The following HYDIN variants were observed in gnomAD, a reference collection of about 807,000 sequenced individuals.
HYDIN encodes the protein HYDIN axonemal central pair apparatus protein.
In HYDIN, 132 loss-of-function variants were observed where a neutral mutation model predicts 403.9. The observed-to-expected ratio is 0.33, with a 90% CI of 0.28 to 0.38. The LOEUF is 0.38. Ranked by LOEUF, HYDIN falls within the 10% of genes least tolerant of loss-of-function variation. The pLI, the probability that HYDIN is intolerant of heterozygous loss-of-function variation, is 1.00. For synonymous variants in HYDIN, 1,202 were observed against 1,891.7 expected (o/e 0.64, Z 9.46); for missense variants, 2,827 against 5,009.5 (o/e 0.56, Z 13.15).
At chr16:71,043,928 A>AG (rs144638805) in intron 18 of HYDIN, among the ~76,000 whole-genome samples, 24 of 151,770 alleles carry the variant, frequency 1.6e-4, no homozygotes, top group Non-Finnish European at 3.2e-4. Flanking sequence ...ATCTAAAAAA[A>AG]AAAGAAAGAA....
At chr16:71,116,290 T>C (rs2084028697) in intron 9 of HYDIN, among the ~76,000 whole-genome samples, 1 of 151,810 alleles carries the variant, frequency 6.6e-6, no homozygotes, top group South Asian at 2.1e-4. Flanking sequence ...CATGTGGTAT[T>C]TGTCTTTCTG....
At chr16:71,189,688 A>G (rs1389580765) in intron 1 of HYDIN, among the ~76,000 whole-genome samples, 1 of 150,832 alleles carries the variant, frequency 6.6e-6, no homozygotes, top group East Asian at 2.0e-4. Flanking sequence ...AATCACTTGA[A>G]CCTGAGGAGT....
chr16:71,194,818 C>T (rs1019508452), intron 1 of HYDIN, among the ~76,000 whole-genome samples: 4 of 152,188 alleles, frequency 2.6e-5, no homozygotes, highest in Non-Finnish European at 4.4e-5. Context: ...AATCCACTTC[C>T]AAGATGGCTT....
chr16:71,188,131 T>C (rs960211805), intron 1 of HYDIN, among the ~76,000 whole-genome samples: 8 of 152,320 alleles, frequency 5.3e-5, no homozygotes, highest in Admixed American at 3.9e-4. Flanking sequence ...TTATTTATTT[T>C]TTTTAAATAC....
chr16:70,911,756 C>T (rs890360937), intron 47 of HYDIN, among the ~76,000 whole-genome samples: 1 of 151,684 alleles, frequency 6.6e-6, no homozygotes, highest in Non-Finnish European at 1.5e-5. Context: ...GAGATGTTTC[C>T]ATTTGTTTGT....
intron 45 of HYDIN, among the ~76,000 whole-genome samples, chr16:70,931,340 C>G (rs1404325511): frequency 6.7e-6 from 1 of 148,598 alleles, no homozygotes; most frequent in African/African-American, 2.5e-5. Flanking sequence ...GTGCACACCA[C>G]CACAGATGGC....
At chr16:71,110,491 T>C (rs942762046) in intron 10 of HYDIN, among the ~76,000 whole-genome samples, 2 of 142,576 alleles carry the variant, frequency 1.4e-5, no homozygotes, top group Admixed American at 7.2e-5. Flanking sequence ...ATATAATATA[T>C]ATATTTCATA....
rs560628750 is a variant in HYDIN at position 70,942,533 on chromosome 16, C to A, written c.6670-714G>T. Among the ~76,000 whole-genome samples the A allele has an allele frequency of 5.9e-5, 9 of 152,296 alleles. No individual in the cohort carries two copies. In the South Asian group the frequency reaches 1.9e-3, roughly 32 times the overall value. ...TCTTATTAGTCTTACTGCCTTGGAG[C>A]GTAATGATTTTGGTAACAGTAACCA... On this transcript the variant is annotated intron_variant, in intron 42 of 85. Coordinates refer to ENST00000393567, the MANE Select transcript of HYDIN (RefSeq NM_001270974.2).
chr16:70,992,082 T>C lies in HYDIN; in HGVS notation c.3773A>G (p.Asn1258Ser), dbSNP rs776125168. The stretch of plus-strand genomic sequence containing the variant: ...GCTTTGCACTTACTTAACAAAATCA[T>C]TTAAATCCATCTCGGGGGACTCTAC... ...VTVESPEMDL[N>S]DFVKTVLVDE... The change falls in exon 24 of 86, where the codon AAT becomes AGT. Residue 1258 changes from asparagine to serine, a missense_variant. Coordinates refer to ENST00000393567, the MANE Select transcript of HYDIN (RefSeq NM_001270974.2). 7 of 1,613,738 alleles carry C rather than the reference T, an allele frequency of 4.3e-6. No individual in the cohort carries two copies. The highest frequency in any genetic ancestry group is 1.3e-5 in the African/African-American group (1 of 74,872).
At chr16:70,919,821 G>T (rs1157216815) in intron 46 of HYDIN, among the ~76,000 whole-genome samples, 1 of 107,486 alleles carries the variant, frequency 9.3e-6, no homozygotes, top group Non-Finnish European at 1.9e-5. Context: ...CTGCACTCCA[G>T]CCTGGGCAAC....
chr16:70,863,945 T>C (rs1314252455), intron 67 of HYDIN, among the ~76,000 whole-genome samples: 1 of 151,994 alleles, frequency 6.6e-6, no homozygotes, highest in South Asian at 2.1e-4. Context: ...GTGACCCCTT[T>C]CCTGACTGAG....
intron 1 of HYDIN, among the ~76,000 whole-genome samples, chr16:71,193,962 A>C (rs2087565653): frequency 6.6e-6 from 1 of 152,230 alleles, no homozygotes; most frequent in South Asian, 2.1e-4. Flanking sequence ...CTTTCTACCC[A>C]ATACACAACA....
intron 50 of HYDIN, among the ~76,000 whole-genome samples, chr16:70,905,186 T>C (rs2076500588): frequency 6.6e-6 from 1 of 152,100 alleles, no homozygotes; most frequent in Admixed American, 6.5e-5. Flanking sequence ...GAACACTCCG[T>C]ATGAATATCT....
At chr16:71,117,445 G>C (rs374015211) in intron 9 of HYDIN, among the ~76,000 whole-genome samples, 4 of 151,872 alleles carry the variant, frequency 2.6e-5, no homozygotes, top group Non-Finnish European at 4.4e-5. Context: ...CAAACACTTT[G>C]CCCCATGCTC....
rs377159756 is a variant in HYDIN, at chr16:70,970,646, C to T, written c.5493G>A (p.Leu1831=). Residue 1831 remains leucine, a synonymous_variant, in exon 36 of 86, where the codon CTG becomes CTA. Coordinates refer to ENST00000393567, the MANE Select transcript of HYDIN (RefSeq NM_001270974.2). Reference sequence around the variant, plus strand: ...CACAAAGTAGCAGTGGCCCCAGATCCAGGACTGAAGGACTAAATTCCAGGC... The same window carrying T: ...CACAAAGTAGCAGTGGCCCCAGATCTAGGACTGAAGGACTAAATTCCAGGC... The part of the protein sequence containing the change: ...EPRLEFSPSV[L]DLGPLLLCAP... The T allele has an allele frequency of 1.1e-5, 17 of 1,530,686 alleles. No individual in the cohort carries two copies. In the African/African-American group the frequency reaches 2.1e-4, roughly 19 times the overall value. The allele number at this position is 1,530,686 out of a possible 1,614,324, so 94.8% of individuals were successfully genotyped here.
At chr16:71,146,142 A>G (rs2085359382) in intron 7 of HYDIN, among the ~76,000 whole-genome samples, 1 of 152,210 alleles carries the variant, frequency 6.6e-6, no homozygotes, top group African/African-American at 2.4e-5. Flanking sequence ...ATAAACAATT[A>G]TTTTAAAGAT....
intron 1 of HYDIN, among the ~76,000 whole-genome samples, chr16:71,222,246 C>T (rs1244560872): frequency 6.6e-6 from 1 of 152,124 alleles, no homozygotes; most frequent in Non-Finnish European, 1.5e-5. Context: ...CATAGATTAT[C>T]TCAGTAGATG....
intron 1 of HYDIN, among the ~76,000 whole-genome samples, chr16:71,222,108 G>A (rs1290753133): frequency 1.3e-5 from 2 of 152,144 alleles, no homozygotes; most frequent in Non-Finnish European, 2.9e-5. Flanking sequence ...TCAAGAGGCT[G>A]CCCACAGCAC....
rs111353794 is a variant in HYDIN at position 71,175,601 on chromosome 16, T to C, written c.516+6A>G. The C allele has an allele frequency of 1.2e-5, 20 of 1,613,934 alleles. No individual in the cohort carries two copies. The African/African-American group carries it at 1.3e-4, about 11-fold the overall frequency. ...GTGTCCAATTTCTTGCCATTCCTGG[T>C]ATTACCTTGTTCTCCTCTGGAGTAA... On this transcript the variant is annotated splice_donor_region_variant and intron_variant, in intron 5 of 85. Coordinates refer to ENST00000393567, the MANE Select transcript of HYDIN (RefSeq NM_001270974.2).
Sources: gnomAD v4.1 joint callset for allele counts (sites outside exome capture counted in the v4.1 genomes callset) on GRCh38, gnomAD v4.1.1 for gene constraint, MANE v1.5 for transcripts, NCBI Gene and HGNC (gene_info 2026-07-23, HGNC 2026-07-21) for gene names.